RBMS1: variants seen among roughly 807,000 people sequenced by gnomAD.
RBMS1 encodes RNA-binding motif, single-stranded-interacting protein 1.
RBMS1 carries 17 observed loss-of-function variants against 62.3 expected under a neutral mutation model. The observed-to-expected ratio is 0.27, with a 90% CI of 0.19 to 0.41. RBMS1 has a LOEUF of 0.41. Ranked by LOEUF, RBMS1 falls within the 10% of genes least tolerant of loss-of-function variation. The probability of loss-of-function intolerance (pLI) is 1.00; values close to 1 mark genes in which losing one functional copy is unlikely to be tolerated. For synonymous variants in RBMS1, 172 were observed against 170.0 expected (o/e 1.01, Z -0.09); for missense variants, 334 against 504.5 (o/e 0.66, Z 3.24).
intron 2 of RBMS1, among the ~76,000 whole-genome samples, chr2:160,337,658 A>C (rs1045323864): frequency 6.6e-5 from 10 of 152,088 alleles, no homozygotes; most frequent in African/African-American, 2.2e-4. Context: ...TAAGAAAAAA[A>C]CTGGGGGGGA....
intron 1 of RBMS1, among the ~76,000 whole-genome samples, chr2:160,484,653 C>T (rs974113743): frequency 1.3e-5 from 2 of 151,772 alleles, no homozygotes; most frequent in African/African-American, 4.8e-5. Flanking sequence ...GGGCGGATCA[C>T]GAGGTCAGGA....
At chr2:160,449,007 G>A (rs1354501887) in intron 1 of RBMS1, among the ~76,000 whole-genome samples, 1 of 150,950 alleles carries the variant, frequency 6.6e-6, no homozygotes, top group South Asian at 2.1e-4. Context: ...GAGGTGAGGA[G>A]TGTGTCTGCC....
At chr2:160,342,933 C>T (rs1217773166) in intron 2 of RBMS1, among the ~76,000 whole-genome samples, 2 of 151,844 alleles carry the variant, frequency 1.3e-5, no homozygotes, top group Admixed American at 1.3e-4. Context: ...AGTGAGACTG[C>T]CTCAAAAACA....
chr2:160,306,914 G>GA (rs1172148833), intron 4 of RBMS1, among the ~76,000 whole-genome samples: 2 of 151,720 alleles, frequency 1.3e-5, no homozygotes, highest in African/African-American at 2.4e-5. Flanking sequence ...TGCTATGTGT[G>GA]AAAAAAACAC....
At chr2:160,395,406 C>G (rs1183829454) in intron 1 of RBMS1, among the ~76,000 whole-genome samples, 2 of 152,116 alleles carry the variant, frequency 1.3e-5, no homozygotes, top group Non-Finnish European at 2.9e-5. Flanking sequence ...GGGCAGATCA[C>G]GCGGTCAGGA....
At chr2:160,392,319 A>G (rs1694905782) in intron 1 of RBMS1, among the ~76,000 whole-genome samples, 1 of 152,192 alleles carries the variant, frequency 6.6e-6, no homozygotes, top group African/African-American at 2.4e-5. Context: ...TTTTGTATTT[A>G]AAGTTTTATT....
chr2:160,437,740 T>A (rs554807550), intron 1 of RBMS1, among the ~76,000 whole-genome samples: 2 of 152,330 alleles, frequency 1.3e-5, no homozygotes, highest in East Asian at 3.9e-4. Context: ...AAAGGAATGG[T>A]CCATATTGCC....
At chr2:160,487,017 A>T (rs1282008260) in intron 1 of RBMS1, among the ~76,000 whole-genome samples, 1 of 152,250 alleles carries the variant, frequency 6.6e-6, no homozygotes, top group Non-Finnish European at 1.5e-5. Flanking sequence ...ATTTGTAAGC[A>T]TAAAACTAGA....
At position 160,425,636 on chromosome 2, in the gene RBMS1, G is replaced by A. The variant is rs188231514; in HGVS notation, c.76-58245C>T. ...GTAGAAGAATGGCAGTAGACAGTAA[G>A]AAGCAAAGCAGCCGGACTCTAACCC... On this transcript the variant is annotated intron_variant, in intron 1 of 13. Transcript: ENST00000348849. 2.4e-4 allele frequency among the ~76,000 whole-genome samples: 37 copies of A among 152,300 alleles called. No individual in the cohort carries two copies. The East Asian group carries it at 6.0e-3, about 25-fold the overall frequency.
intron 2 of RBMS1, among the ~76,000 whole-genome samples, chr2:160,362,897 T>C (rs1188173560): frequency 1.3e-5 from 2 of 152,158 alleles, no homozygotes; most frequent in Non-Finnish European, 2.9e-5. Flanking sequence ...ATTAAGCTAC[T>C]TCCCTGGCTT....
At chr2:160,311,232 C>CTATATATATCTATATATATCTA (rs1689868339) in intron 4 of RBMS1, among the ~76,000 whole-genome samples, 1 of 79,252 alleles carries the variant, frequency 1.3e-5, no homozygotes, top group African/African-American at 4.4e-5. Flanking sequence ...ATCTATCTAT[C>CTATATATATCTATATATATCTA]TATATATATA....
At chr2:160,466,299 G>T (rs964280222) in intron 1 of RBMS1, among the ~76,000 whole-genome samples, 2 of 151,560 alleles carry the variant, frequency 1.3e-5, no homozygotes, top group Admixed American at 6.6e-5. Flanking sequence ...TAAATTATAC[G>T]GTACTGATAT....
intron 2 of RBMS1, among the ~76,000 whole-genome samples, chr2:160,331,468 A>G (rs538874923): frequency 2.6e-5 from 4 of 152,162 alleles, no homozygotes; most frequent in African/African-American, 9.7e-5. Context: ...ACACTGCTAC[A>G]TTATCTGCAT....
At chr2:160,320,634 T>C (rs1574276552) in intron 2 of RBMS1, among the ~76,000 whole-genome samples, 1 of 152,074 alleles carries the variant, frequency 6.6e-6, no homozygotes, top group African/African-American at 2.4e-5. Flanking sequence ...GCCTGGTACC[T>C]CCTCCTCTGT....
rs1391567522 is a variant in RBMS1 at position 160,281,336 on chromosome 2, T to G, written c.929A>C (p.Gln310Pro). ...TACAGGGTGCTGTAGAATATATGGT[T>G]GAGGTTGCATCCACGAAGGACTTTG... ...QVQSPSWMQP[Q>P]PYILQHPGAV... Residue 310 changes from glutamine (Q) to proline (P), a missense_variant, in exon 10 of 14, where the codon CAA (glutamine) becomes CCA (proline). By Grantham distance (76) the Gln-to-Pro change is moderately conservative. This residue lies in a region of RBMS1 where 182 missense variants were observed against 257.7 expected (regional missense o/e 0.71). Coordinates refer to ENST00000348849, the MANE Select transcript of RBMS1 (RefSeq NM_016836.4). 2 of 1,609,932 alleles carry G rather than the reference T, an allele frequency of 1.2e-6. No individual in the cohort carries two copies. The highest frequency in any genetic ancestry group is 3.3e-5 in the Admixed American group (2 of 59,704).
intron 1 of RBMS1, among the ~76,000 whole-genome samples, chr2:160,471,428 G>T (rs1339176404): frequency 6.6e-6 from 1 of 151,440 alleles, no homozygotes; most frequent in Non-Finnish European, 1.5e-5. Context: ...TTAATTTAAA[G>T]GAGATATTTT....
At chr2:160,295,477 C>G (rs1242724554) in intron 6 of RBMS1, among the ~76,000 whole-genome samples, 1 of 152,218 alleles carries the variant, frequency 6.6e-6, no homozygotes, top group Non-Finnish European at 1.5e-5. Flanking sequence ...AACAGCTTGA[C>G]TGAAAAACTG....
intron 1 of RBMS1, among the ~76,000 whole-genome samples, chr2:160,435,773 T>A (rs1297335178): frequency 6.6e-6 from 1 of 152,240 alleles, no homozygotes; most frequent in Non-Finnish European, 1.5e-5. Context: ...TTATTTTAGG[T>A]CCAGACTGTA....
chr2:160,481,148 C>T, intron 1 of RBMS1, among the ~76,000 whole-genome samples: 1 of 144,766 alleles, frequency 6.9e-6, no homozygotes, highest in South Asian at 2.2e-4. Context: ...TAGTTTACAA[C>T]AAAGGCAACA....
Sources: gnomAD v4.1 joint callset for allele counts (sites outside exome capture counted in the v4.1 genomes callset) on GRCh38, gnomAD v4.1.1 for gene constraint, gnomAD v4.1.1 regional missense constraint, MANE v1.5 for transcripts, NCBI Gene and HGNC (gene_info 2026-07-23, HGNC 2026-07-21) for gene names.